The following FANCI variants were observed in gnomAD, a reference collection of about 807,000 sequenced individuals.
The protein encoded by FANCI is Fanconi anemia group I protein.
In FANCI, 156 loss-of-function variants were observed where a neutral mutation model predicts 176.1. The observed-to-expected ratio is 0.89, with a 90% CI of 0.78 to 1.01. The LOEUF is 1.01. Ranked by LOEUF, FANCI falls within the 50% of genes least tolerant of loss-of-function variation. FANCI has a pLI of 0.00. For missense variants in FANCI, 1,678 were observed against 1,534.1 expected (o/e 1.09, Z -1.57); for synonymous variants, 613 against 541.7 (o/e 1.13, Z -1.83).
At chr15:89,288,575 G>T (rs765749938) in intron 18 of FANCI, among the ~76,000 whole-genome samples, 1 of 148,470 alleles carries the variant, frequency 6.7e-6, no homozygotes. Context: ...ATAATTTTTG[G>T]TTACTAAATC....
chr15:89,262,692 T>C (rs2052764962), intron 6 of FANCI, among the ~76,000 whole-genome samples: 1 of 152,230 alleles, frequency 6.6e-6, no homozygotes, highest in Non-Finnish European at 1.5e-5. Context: ...TTAATTTGTT[T>C]TTAATTACAC....
chr15:89,305,441 C>T (rs2054681031), intron 30 of FANCI, 32 bp downstream of exon 30: 1 of 1,612,722 alleles, frequency 6.2e-7, no homozygotes, highest in Non-Finnish European at 8.5e-7. Flanking sequence ...TGGGGAATAG[C>T]TTTGTCATTC....
intron 16 of FANCI, chr15:89,282,494 A>G (rs2053651793): frequency 1.2e-5 from 2 of 162,526 alleles, no homozygotes; most frequent in African/African-American, 4.8e-5. Flanking sequence ...AGCATTTGGT[A>G]CTTTGAGGAT....
chr15:89,275,859 G>C (rs1353411426), intron 12 of FANCI, among the ~76,000 whole-genome samples: 1 of 152,200 alleles, frequency 6.6e-6, no homozygotes, highest in Non-Finnish European at 1.5e-5. Context: ...TCAGCTGGGA[G>C]AGATTTGGAT....
At chr15:89,271,515 A>G (rs1374608468) in intron 10 of FANCI, among the ~76,000 whole-genome samples, 3 of 152,150 alleles carry the variant, frequency 2.0e-5, no homozygotes, top group Non-Finnish European at 4.4e-5. Flanking sequence ...TGTTTGTTTT[A>G]GGAGACATGG....
chr15:89,261,495 A>G (rs1170049831), intron 4 of FANCI, 90 bp from the exon 5 acceptor site: 3 of 1,527,166 alleles, frequency 2.0e-6, no homozygotes, highest in Non-Finnish European at 2.7e-6. Context: ...CGGTCAATTC[A>G]TTTATTTCAG....
chr15:89,268,119 C>G (rs556217014), intron 9 of FANCI, among the ~76,000 whole-genome samples: 4 of 152,112 alleles, frequency 2.6e-5, no homozygotes, highest in Admixed American at 2.0e-4. Context: ...GTTGTTGAGA[C>G]AGGGTCTCTC....
At chr15:89,296,002 C>G (rs2054253691) in intron 24 of FANCI, among the ~76,000 whole-genome samples, 1 of 152,052 alleles carries the variant, frequency 6.6e-6, no homozygotes. Context: ...GGGTCTTGCT[C>G]TGTCACCCAG....
rs2054677788 is a variant in FANCI at position 89,305,369 on chromosome 15, T to C, written c.3215T>C (p.Phe1072Ser). Residue 1072 changes from phenylalanine to serine, a missense_variant, in exon 30 of 38, where the codon TTT (phenylalanine) becomes TCT (serine). Physicochemically the swap from Phe to Ser is radical, Grantham distance 155. Coordinates refer to ENST00000310775, the MANE Select transcript of FANCI (RefSeq NM_001113378.2). ...QDVEVEKTNH[F>S]AIVNLRTAAP... ...GTAGAGGTGGAGAAAACAAACCACT[T>C]TGCAATAGTGAATTTGAGAACGGCT... The C allele has an allele frequency of 1.2e-6, 2 of 1,613,956 alleles. No homozygotes were observed. The highest frequency in any genetic ancestry group is 1.1e-5 in the South Asian group (1 of 91,078).
At chr15:89,258,365 C>T (rs1358894105) in intron 2 of FANCI, among the ~76,000 whole-genome samples, 2 of 152,128 alleles carry the variant, frequency 1.3e-5, no homozygotes, top group East Asian at 1.9e-4. Flanking sequence ...CTGTTATGAA[C>T]TCTGAGTCAA....
intron 4 of FANCI, among the ~76,000 whole-genome samples, 189 bp downstream of exon 4, chr15:89,261,032 G>A (rs778669635): frequency 2.6e-5 from 4 of 152,164 alleles, no homozygotes; most frequent in Non-Finnish European, 5.9e-5. Flanking sequence ...TTGGGAGGCT[G>A]AGGTGAGGAT....
chr15:89,244,084 A>C (rs900136875), intron 1 of FANCI, 51 bp downstream of exon 1: 1 of 152,254 alleles, frequency 6.6e-6, no homozygotes, highest in Non-Finnish European at 1.5e-5. Context: ...GGGCTGTGGG[A>C]CTGGGCCCCT....
intron 2 of FANCI, among the ~76,000 whole-genome samples, chr15:89,249,042 C>CTGTT (rs2052114011): frequency 6.6e-6 from 1 of 152,150 alleles, no homozygotes; most frequent in Admixed American, 6.5e-5. Context: ...AACTTTATAT[C>CTGTT]TGTTAACTGT....
intron 1 of FANCI, among the ~76,000 whole-genome samples, chr15:89,245,488 C>T (rs2051924367): frequency 6.6e-6 from 1 of 151,610 alleles, no homozygotes; most frequent in African/African-American, 2.4e-5. Context: ...TGAGCTACTG[C>T]GCCTGGCCTA....
At chr15:89,256,168 C>T (rs116761041) in intron 2 of FANCI, among the ~76,000 whole-genome samples, 312 of 152,292 alleles carry the variant, frequency 2.0e-3, no homozygotes, top group African/African-American at 7.2e-3. Context: ...CGTTTTGGCT[C>T]GGATAAATCT....
Position 89,263,423 on chromosome 15 carries a change from GA to G in FANCI, c.509del (p.Asp170ValfsTer5). On this transcript the variant is annotated frameshift_variant, in exon 7 of 38. Transcript: ENST00000310775. LOFTEE classifies it high-confidence loss of function. ...TTTGTCATTTTCTTCTACCAGGTGG[GA>G]TCAGCAATATGTAATCCAACTCACC... ...LINTLCSGRW[D>X]QQYVIQLTSM... is the part of the protein sequence containing the mutation. The G allele has an allele frequency of 6.2e-7, 1 of 1,612,606 alleles. No individual in the cohort carries two copies. The highest frequency in any genetic ancestry group is 8.5e-7 in the Non-Finnish European group (1 of 1,178,860).
rs780827676 is a variant in FANCI at position 89,294,901 on chromosome 15, CTG to C, written c.2457-12_2457-11del. On this transcript the variant is annotated splice_polypyrimidine_tract_variant and intron_variant, in intron 23 of 37. Transcript: ENST00000310775. ...AATCTTCCTTTTTCTTTCTCTCTCTCTGTCTCTCTCTAGGGATAGTATCCAAA... is the reference window on the plus strand; with the variant it reads ...AATCTTCCTTTTTCTTTCTCTCTCTCTCTCTCTCTAGGGATAGTATCCAAA... 1.3e-6 allele frequency: 2 copies of C among 1,549,280 alleles called. No homozygotes were observed. Among genetic ancestry groups the C allele is most frequent in the South Asian group, 1.2e-5 (1 of 83,718 alleles).
rs774148630 is a variant in FANCI, at chr15:89,292,791, A to C, written c.2096A>C (p.Tyr699Ser). ...GAAGAGGAGGAGGAAGAGGCATTCT[A>C]CGAAGACCTAGATGATATATTGGAG... The part of the protein sequence containing the change: ...EEEEEEEEAF[Y>S]EDLDDILESI... The change falls in exon 21 of 38, where the codon TAC becomes TCC. Residue 699 changes from tyrosine to serine, a missense_variant. By Grantham distance (144) the Tyr-to-Ser change is moderately radical. This residue lies in a region of FANCI where 1,204 missense variants were observed against 1,077.4 expected (regional missense o/e 1.12). Coordinates refer to ENST00000310775, the MANE Select transcript of FANCI (RefSeq NM_001113378.2). 17 of 1,613,960 alleles carry C rather than the reference A, an allele frequency of 1.1e-5. No individual in the cohort carries two copies. In the African/African-American group the frequency reaches 1.7e-4, roughly 16 times the overall value.
chr15:89,283,315 G>T (rs769042910), intron 17 of FANCI, 65 bp downstream of exon 17: 28 of 1,606,834 alleles, frequency 1.7e-5, no homozygotes, highest in Non-Finnish European at 2.3e-5. Context: ...TGAAATGCAC[G>T]CTGTTTTCTT....
Sources: allele counts gnomAD v4.1 joint callset (sites outside exome capture counted in the v4.1 genomes callset), GRCh38; gene constraint gnomAD v4.1.1; regional missense constraint gnomAD v4.1.1; transcripts MANE v1.5; gene names NCBI Gene and HGNC (gene_info 2026-07-23, HGNC 2026-07-21).